The following ESRP1 variants were observed in gnomAD, a reference collection of about 807,000 sequenced individuals.
ESRP1 encodes the protein epithelial splicing regulatory protein 1, also known as RNA-binding motif protein 35A.
Under a neutral mutation model 81.7 loss-of-function variants are expected in ESRP1, and 33 were observed. The observed-to-expected ratio is 0.40, with a 90% CI of 0.31 to 0.54. ESRP1 has a LOEUF of 0.54. Ranked by LOEUF, ESRP1 falls within the 20% of genes least tolerant of loss-of-function variation. The pLI, the probability that ESRP1 is intolerant of heterozygous loss-of-function variation, is 0.41. For synonymous variants in ESRP1, 320 were observed against 303.3 expected (o/e 1.06, Z -0.57); for missense variants, 672 against 833.1 (o/e 0.81, Z 2.38).
chr8:94,668,757 G>A lies in ESRP1; in HGVS notation c.1233+507G>A, dbSNP rs372121845. 2.0e-5 allele frequency among the ~76,000 whole-genome samples: 3 copies of A among 149,018 alleles called. No individual in the cohort carries two copies. The East Asian group carries it at 6.0e-4, about 30-fold the overall frequency. On this transcript the variant is annotated intron_variant, in intron 10 of 15. Coordinates refer to ENST00000433389, the MANE Select transcript of ESRP1 (RefSeq NM_017697.4). ...GCTTCATCGGTTTCATACCCTGCTG[G>A]TGAGCTCTGTCCTGTTTTACTAGCT...
intron 6 of ESRP1, among the ~76,000 whole-genome samples, chr8:94,662,838 G>A (rs1196962797): frequency 6.6e-6 from 1 of 152,140 alleles, no homozygotes; most frequent in African/African-American, 2.4e-5. Flanking sequence ...TCAATCTCCT[G>A]ACCTCGTGAT....
chr8:94,686,948 A>C (rs2130697420), intron 13 of ESRP1, among the ~76,000 whole-genome samples: 1 of 152,286 alleles, frequency 6.6e-6, no homozygotes, highest in Middle Eastern at 3.4e-3. Context: ...TTTTTATTAC[A>C]GCTTTGAGAT....
chr8:94,678,273 G>T lies in ESRP1; in HGVS notation c.1722G>T (p.Gln574His), dbSNP rs1445347886. The stretch of plus-strand genomic sequence containing the variant: ...TTCCTACAGAAGCTGCCATTTACCA[G>T]CCCTCTGTGATTTTGAATCCACGAG... ...AVIPTEAAIY[Q>H]PSVILNPRAL... Residue 574 changes from glutamine (Q) to histidine (H), a missense_variant, in exon 13 of 16, where the codon CAG (glutamine) becomes CAT (histidine). Transcript: ENST00000433389. 1 of 1,613,822 alleles carries T rather than the reference G, an allele frequency of 6.2e-7. No individual in the cohort carries two copies. Among genetic ancestry groups the T allele is most frequent in the Non-Finnish European group, 8.5e-7 (1 of 1,179,898 alleles).
At chr8:94,659,058 G>T (rs1417124150) in intron 4 of ESRP1, among the ~76,000 whole-genome samples, 13 of 151,990 alleles carry the variant, frequency 8.6e-5, no homozygotes, top group Non-Finnish European at 1.9e-4. Flanking sequence ...AGGCCAATTT[G>T]TTATTTTGTA....
intron 13 of ESRP1, among the ~76,000 whole-genome samples, chr8:94,682,932 ATTTTTTTTT>A (rs869078492): frequency 5.9e-3 from 106 of 18,010 alleles, no homozygotes; most frequent in East Asian, 0.018. Flanking sequence ...ATATATATAT[ATTTTTTTTT>A]TTTTTTTTTT....
intron 12 of ESRP1, 82 bp from the exon 13 acceptor site, chr8:94,678,121 A>G: frequency 7.0e-7 from 1 of 1,419,408 alleles, no homozygotes; most frequent in Non-Finnish European, 9.7e-7. Context: ...TGTAGATGGA[A>G]CAGTGACTAT....
chr8:94,693,439 C>T (rs1157005549), intron 14 of ESRP1, among the ~76,000 whole-genome samples: 1 of 152,166 alleles, frequency 6.6e-6, no homozygotes, highest in Non-Finnish European at 1.5e-5. Context: ...CTCACATATG[C>T]TAAAGAATGA....
chr8:94,662,257 A>C lies in ESRP1; in HGVS notation c.491-15A>C. On this transcript the variant is annotated splice_polypyrimidine_tract_variant and intron_variant, in intron 4 of 15. Coordinates refer to ENST00000433389, the MANE Select transcript of ESRP1 (RefSeq NM_017697.4). ...TTTTACCTTTCCAAAGTGTTTCCTTAATTTAATCTCACAGATTTAAATTTT... is the reference window on the plus strand; with the variant it reads ...TTTTACCTTTCCAAAGTGTTTCCTTCATTTAATCTCACAGATTTAAATTTT... 6.7e-7 allele frequency: 1 copy of C among 1,500,526 alleles called. No homozygotes were observed. The highest frequency in any genetic ancestry group is 9.1e-7 in the Non-Finnish European group (1 of 1,102,838). 93.0% of individuals were successfully genotyped at this position (1,500,526 alleles called of 1,614,324 possible). A position where few individuals can be genotyped will look rare whatever the true frequency, so the allele number is the denominator to read the frequency against.
At chr8:94,673,688 GGAGT>G (rs1411489194) in intron 11 of ESRP1, among the ~76,000 whole-genome samples, 1 of 152,192 alleles carries the variant, frequency 6.6e-6, no homozygotes, top group African/African-American at 2.4e-5. Flanking sequence ...AGAGCTGTAA[GGAGT>G]GAGAGAAGGG....
At chr8:94,680,606 TA>T (rs1480952856) in intron 13 of ESRP1, among the ~76,000 whole-genome samples, 1 of 152,064 alleles carries the variant, frequency 6.6e-6, no homozygotes, top group Admixed American at 6.5e-5. Context: ...TTTATGTTTT[TA>T]GTAGAGAAGG....
In ESRP1 at chr8:94,688,073, TAAAATCATCCCTTTAGAGAAAAAC is replaced by T. The variant is rs561378012; in HGVS notation, c.1821-4600_1821-4577del. On this transcript the variant is annotated intron_variant, in intron 13 of 15. Transcript: ENST00000433389. The stretch of plus-strand genomic sequence containing the variant: ...TTTTGTATGGTGTGAGGTAGGGGTC[TAAAATCATCCCTTTAGAGAAAAAC>T]AAAGTCATCCTTTTACGTGTTGATA... 1.6e-4 allele frequency among the ~76,000 whole-genome samples: 25 copies of T among 152,344 alleles called. No individual in the cohort carries two copies. In the East Asian group the frequency reaches 3.3e-3, roughly 20 times the overall value.
chr8:94,667,295 A>G (rs1819076498), intron 9 of ESRP1, among the ~76,000 whole-genome samples: 1 of 152,050 alleles, frequency 6.6e-6, no homozygotes, highest in African/African-American at 2.4e-5. Flanking sequence ...TTTCAAAGAT[A>G]TGCATTTAAG....
At chr8:94,669,636 C>A (rs530650705) in intron 10 of ESRP1, among the ~76,000 whole-genome samples, 33 of 152,034 alleles carry the variant, frequency 2.2e-4, no homozygotes, top group African/African-American at 8.0e-4. Context: ...GAGTCCAAGG[C>A]GAGCGGATTG....
intron 14 of ESRP1, among the ~76,000 whole-genome samples, chr8:94,695,598 C>T (rs967229482): frequency 3.3e-5 from 5 of 151,514 alleles, no homozygotes; most frequent in African/African-American, 1.2e-4. Context: ...CTCCTGACCT[C>T]GTGACCCGCC....
At chr8:94,678,106 A>G in intron 12 of ESRP1, 97 bp from the exon 13 acceptor site, 1 of 1,310,456 alleles carries the variant, frequency 7.6e-7, no homozygotes, top group Admixed American at 2.2e-5. Flanking sequence ...TCTTTCTTTA[A>G]AATGTGTAGA....
chr8:94,641,206 G>A lies in ESRP1; in HGVS notation c.-113G>A. On this transcript the variant is annotated 5_prime_UTR_variant, in exon 1 of 16. Transcript: ENST00000433389. Reference sequence around the variant, plus strand: ...ACTAGCAGTAGCAAGGAAGGGGGGTGGGCGCTCTTTCTTTTTCTCTTAGAA... The same window carrying A: ...ACTAGCAGTAGCAAGGAAGGGGGGTAGGCGCTCTTTCTTTTTCTCTTAGAA... The A allele has an allele frequency of 9.6e-7, 1 of 1,043,002 alleles. No homozygotes were observed. Among genetic ancestry groups the A allele is most frequent in the Non-Finnish European group, 1.4e-6 (1 of 733,212 alleles). The allele number at this position is 1,043,002 out of a possible 1,614,324, so 64.6% of individuals were successfully genotyped here.
intron 3 of ESRP1, among the ~76,000 whole-genome samples, chr8:94,645,959 TAAAAC>T (rs1175707346): frequency 1.3e-5 from 2 of 152,166 alleles, no homozygotes; most frequent in African/African-American, 4.8e-5. Flanking sequence ...TCCACTGCCT[TAAAAC>T]AAGAGGAATT....
chr8:94,681,351 A>AAAAAAAC (rs1808876086), intron 13 of ESRP1, among the ~76,000 whole-genome samples: 6 of 145,580 alleles, frequency 4.1e-5, no homozygotes, highest in Non-Finnish European at 7.5e-5. Context: ...AAAAAAAAAA[A>AAAAAAAC]AACTGGCTTG....
At chr8:94,655,532 C>T (rs1818363872) in intron 4 of ESRP1, among the ~76,000 whole-genome samples, 1 of 151,868 alleles carries the variant, frequency 6.6e-6, no homozygotes, top group Non-Finnish European at 1.5e-5. Flanking sequence ...CTTATGGTGA[C>T]ATTTTTTGTT....
Sources: gnomAD v4.1 joint callset for allele counts (sites outside exome capture counted in the v4.1 genomes callset) on GRCh38, gnomAD v4.1.1 for gene constraint, MANE v1.5 for transcripts, NCBI Gene and HGNC (gene_info 2026-07-23, HGNC 2026-07-21) for gene names.